Variants in BCAR3 observed in about 807,000 individuals in gnomAD.
BCAR3 encodes the protein BCAR3 adaptor protein, NSP family member, also known as breast cancer anti-estrogen resistance protein 3.
In BCAR3, 37 loss-of-function variants were observed where a neutral mutation model predicts 80.1. That is an observed-to-expected ratio of 0.46 (90% CI 0.36 to 0.61). The LOEUF (loss-of-function observed/expected upper bound fraction) is 0.61, where lower values mean the gene tolerates loss of function less well. Among genes scored for constraint, BCAR3 ranks in the 20% least tolerant of loss-of-function variants. The pLI is 0.00. For missense variants in BCAR3, 978 were observed against 1,068.2 expected (o/e 0.92, Z 1.18); for synonymous variants, 389 against 418.9 (o/e 0.93, Z 0.87).
chr1:93,597,710 A>G (rs995944082), intron 3 of BCAR3, among the ~76,000 whole-genome samples: 3 of 152,246 alleles, frequency 2.0e-5, no homozygotes, highest in Admixed American at 1.3e-4. Flanking sequence ...CTATAAAATA[A>G]GCAGACTTCA....
At position 93,589,065 on chromosome 1, in the gene BCAR3, C is replaced by G. The variant is rs910941559; in HGVS notation, c.841G>C (p.Gly281Arg). The G allele has an allele frequency of 6.8e-6, 11 of 1,612,276 alleles. No individual in the cohort carries two copies. In the Admixed American group the frequency reaches 1.5e-4, roughly 22 times the overall value. ...AGCCTCTTGGCCACATCCGGCCTTC[C>G]CTTGGTGAGGCTGCCCTCCCGGGCC... Reference protein sequence around the residue: ...GQAREGSLTKGRPDVAKRLSL... With the variant: ...GQAREGSLTKRRPDVAKRLSL... Residue 281 changes from glycine (G) to arginine (R), a missense_variant, in exon 5 of 12, where the codon GGA becomes CGA. Physicochemically the swap from Gly to Arg is moderately radical, Grantham distance 125 (BLOSUM62 -2). Transcript: ENST00000260502.
intron 8 of BCAR3, 25 bp downstream of exon 8, chr1:93,575,989 A>T (rs1239541695): frequency 6.3e-7 from 1 of 1,592,952 alleles, no homozygotes. Flanking sequence ...GGAGGGTCGG[A>T]AGTGCAGAGG....
At chr1:93,801,222 G>T (rs923339896) in intron 2 of BCAR3, among the ~76,000 whole-genome samples, 1 of 152,108 alleles carries the variant, frequency 6.6e-6, no homozygotes, top group Non-Finnish European at 1.5e-5. Context: ...TGAAAGCAAG[G>T]CCTCTGTTTA....
At position 93,642,119 on chromosome 1, in the gene BCAR3, A is replaced by T. The variant is rs113515021; in HGVS notation, c.357+185T>A. Among the ~76,000 whole-genome samples the T allele has an allele frequency of 4.9e-3, 741 of 152,342 alleles. 13 individuals carry two copies. Among genetic ancestry groups the T allele is most frequent in the African/African-American group, 0.017 (712 of 41,584 alleles). On this transcript the variant is annotated intron_variant, in intron 3 of 11. Transcript: ENST00000260502. ...GCCAGATAAGGGTACCTGTAATAGG[A>T]TGACGTGAGACCCCTACAAAATTTA...
upstream of BCAR3, among the ~76,000 whole-genome samples, chr1:93,686,159 A>C (rs1648966852): frequency 6.6e-6 from 1 of 152,222 alleles, no homozygotes; most frequent in Non-Finnish European, 1.5e-5. Flanking sequence ...CTATGGAATC[A>C]CTTCTTGCCA....
intron 2 of BCAR3, among the ~76,000 whole-genome samples, chr1:93,763,915 G>T (rs1652050247): frequency 6.6e-6 from 1 of 152,154 alleles, no homozygotes; most frequent in African/African-American, 2.4e-5. Context: ...TGAGCTGGCA[G>T]GAGCTGGCTC....
At chr1:93,606,010 T>C (rs1674762759) in intron 3 of BCAR3, among the ~76,000 whole-genome samples, 1 of 152,238 alleles carries the variant, frequency 6.6e-6, no homozygotes, top group South Asian at 2.1e-4. Context: ...AACTCTGCTC[T>C]GGGACAAAGC....
chr1:93,666,150 A>G (rs1647901576), intron 2 of BCAR3, among the ~76,000 whole-genome samples: 1 of 152,176 alleles, frequency 6.6e-6, no homozygotes, highest in Admixed American at 6.5e-5. Context: ...CTTGCTTAAA[A>G]TCCTTTAAAG....
chr1:93,693,295 AC>A (rs1220042062), intron 3 of BCAR3, among the ~76,000 whole-genome samples: 32 of 152,174 alleles, frequency 2.1e-4, no homozygotes, highest in African/African-American at 7.7e-4. Context: ...TGCTGCCCTA[AC>A]CTCTTCCTCA....
At chr1:93,822,188 T>G (rs965752902) in intron 2 of BCAR3, among the ~76,000 whole-genome samples, 3 of 102,484 alleles carry the variant, frequency 2.9e-5, no homozygotes, top group African/African-American at 1.2e-4. Context: ...TTTTTTTTCT[T>G]TTTTTTTTTT....
intron 2 of BCAR3, among the ~76,000 whole-genome samples, chr1:93,744,810 C>T (rs1354615577): frequency 1.3e-5 from 2 of 152,190 alleles, no homozygotes; most frequent in Non-Finnish European, 2.9e-5. Flanking sequence ...TCATGTCTTC[C>T]CCACGAGGAA....
chr1:93,671,706 C>A (rs549046590), intron 2 of BCAR3, among the ~76,000 whole-genome samples: 2 of 152,340 alleles, frequency 1.3e-5, no homozygotes, highest in African/African-American at 2.4e-5. Flanking sequence ...TTCTCTAGAG[C>A]CTTGGGTTCT....
rs368870879 is a variant in BCAR3, at chr1:93,573,609, T to TTTA, written c.1803-1771_1803-1769dup. On this transcript the variant is annotated intron_variant, in intron 8 of 11. Transcript: ENST00000260502. ...TCCAAACATAGACCTAAAATATATT[T>TTTA]TTATTATTATTATTATTATTATTAT... 1.4e-3 allele frequency among the ~76,000 whole-genome samples: 204 copies of TTTA among 142,804 alleles called. 1 individual carries two copies. The highest frequency in any genetic ancestry group is 2.7e-3 in the African/African-American group (99 of 37,168). 93.7% of individuals were successfully genotyped at this position (142,804 alleles called of 152,430 possible). A position where few individuals can be genotyped will look rare whatever the true frequency, so the allele number is the denominator to read the frequency against.
At chr1:93,655,918 G>A (rs1458827223) in intron 2 of BCAR3, among the ~76,000 whole-genome samples, 1 of 152,222 alleles carries the variant, frequency 6.6e-6, no homozygotes, top group African/African-American at 2.4e-5. Context: ...GAGCTGTGCA[G>A]ACACTAGTTA....
chr1:93,824,475 G>A (rs1274416449), intron 2 of BCAR3, among the ~76,000 whole-genome samples: 1 of 132,824 alleles, frequency 7.5e-6, no homozygotes, highest in Non-Finnish European at 1.7e-5. Flanking sequence ...TTCTCCGTCC[G>A]AGAGGGCTAG....
chr1:93,705,421 G>A (rs1649799349), intron 3 of BCAR3, among the ~76,000 whole-genome samples: 1 of 152,192 alleles, frequency 6.6e-6, no homozygotes, highest in Non-Finnish European at 1.5e-5. Flanking sequence ...CCCACTACCA[G>A]CCCTGCAAAC....
intron 2 of BCAR3, among the ~76,000 whole-genome samples, chr1:93,771,931 T>C (rs773499723): frequency 7.9e-5 from 12 of 152,230 alleles, no homozygotes; most frequent in Non-Finnish European, 1.5e-4. Flanking sequence ...CCACCAGAGA[T>C]ACTATTTGTG....
chr1:93,839,256 C>T (rs1314207810), intron 2 of BCAR3, among the ~76,000 whole-genome samples: 2 of 152,066 alleles, frequency 1.3e-5, no homozygotes, highest in African/African-American at 2.4e-5. Context: ...CACTGCACTC[C>T]AGCCTGGGCA....
intron 2 of BCAR3, among the ~76,000 whole-genome samples, chr1:93,752,608 G>T (rs1039831698): frequency 6.6e-6 from 1 of 152,290 alleles, no homozygotes; most frequent in African/African-American, 2.4e-5. Flanking sequence ...GTATGCATAC[G>T]GTATCATTGC....
Sources: gnomAD v4.1 joint callset for allele counts (sites outside exome capture counted in the v4.1 genomes callset) on GRCh38, gnomAD v4.1.1 for gene constraint, MANE v1.5 for transcripts, NCBI Gene and HGNC (gene_info 2026-07-23, HGNC 2026-07-21) for gene names.